Variants in MPHOSPH6 observed in about 807,000 individuals in gnomAD.
MPHOSPH6 encodes M-phase phosphoprotein 6.
A neutral mutation model predicts 21.8 loss-of-function variants in MPHOSPH6; 25 were observed. The ratio of observed to expected loss-of-function variants is 1.15; its 90% confidence interval spans 0.83 to 1.60. The LOEUF (loss-of-function observed/expected upper bound fraction) is 1.60. Among genes scored for constraint, MPHOSPH6 ranks in the 40% most tolerant of loss-of-function variants. MPHOSPH6 has a pLI of 0.00. For missense variants in MPHOSPH6, 269 were observed against 181.8 expected (o/e 1.48, Z -2.76); for synonymous variants, 84 against 56.5 (o/e 1.49, Z -2.18).
At position 82,149,408 on chromosome 16, in the gene MPHOSPH6, A is replaced by G. The variant is rs764357819; in HGVS notation, c.256-5T>C. On this transcript the variant is annotated splice_region_variant and splice_polypyrimidine_tract_variant and intron_variant, in intron 3 of 4. Coordinates refer to ENST00000258169, the MANE Select transcript of MPHOSPH6 (RefSeq NM_005792.2). ...ATTCATCTGAAGCATCAATTTCTGA[A>G]AAATACACCAGTGCTGACCTTCAGG... is the stretch of plus-strand genomic sequence containing the variant. The G allele has an allele frequency of 1.2e-6, 2 of 1,610,606 alleles. No individual in the cohort carries two copies. The highest frequency in any genetic ancestry group is 2.2e-5 in the South Asian group (2 of 91,072).
chr16:82,148,642 A>C lies in MPHOSPH6; in HGVS notation c.*89T>G. On this transcript the variant is annotated 3_prime_UTR_variant, in exon 5 of 5. Coordinates refer to ENST00000258169, the MANE Select transcript of MPHOSPH6 (RefSeq NM_005792.2). The stretch of plus-strand genomic sequence containing the variant: ...CTTTACAAGTAAACGTTACAGTATT[A>C]ATAACTATAGAGACACCATTGGGAT... 6.9e-7 allele frequency: 1 copy of C among 1,447,198 alleles called. No individual in the cohort carries two copies. The highest frequency in any genetic ancestry group is 2.3e-5 in the East Asian group (1 of 43,830). The allele number at this position is 1,447,198 out of a possible 1,614,324, so 89.6% of individuals were successfully genotyped here.
chr16:82,162,948 A>G (rs1482633804), intron 2 of MPHOSPH6, among the ~76,000 whole-genome samples: 1 of 135,954 alleles, frequency 7.4e-6, no homozygotes, highest in Non-Finnish European at 1.5e-5. Context: ...TTAAGGCATA[A>G]AAGTAAATTA....
In MPHOSPH6 at chr16:82,151,443, C is replaced by G; in HGVS notation, c.236G>C (p.Gly79Ala). The G allele has an allele frequency of 1.2e-6, 2 of 1,606,220 alleles. No individual in the cohort carries two copies. The highest frequency in any genetic ancestry group is 1.3e-5 in the African/African-American group (1 of 74,618). ...TAATACCTCAACCTCAGGATTAAAT[C>G]CTCTGAATGACATTCTTCCATAGAG... ...DLLYGRMSFR[G>A]FNPEVEKLML... Residue 79 changes from glycine (G) to alanine (A), a missense_variant, in exon 3 of 5, where the codon GGA becomes GCA. Transcript: ENST00000258169.
intron 2 of MPHOSPH6, among the ~76,000 whole-genome samples, chr16:82,162,922 A>T (rs991299017): frequency 6.6e-6 from 1 of 152,038 alleles, no homozygotes; most frequent in African/African-American, 2.4e-5. Flanking sequence ...TGGAAGGAAC[A>T]CTTTGGCAAG....
At position 82,148,810 on chromosome 16, in the gene MPHOSPH6, T is replaced by C. The variant is rs750501738; in HGVS notation, c.404A>G (p.His135Arg). 2.5e-6 allele frequency: 4 copies of C among 1,614,062 alleles called. No individual in the cohort carries two copies. In the South Asian group the frequency reaches 4.4e-5, roughly 18 times the overall value. Reference sequence around the variant, plus strand: ...ATTTTCATCTTCTTCATAATTGGCATGGTCTCTCTTTCTGGCAAACTTTTT... The same window carrying C: ...ATTTTCATCTTCTTCATAATTGGCACGGTCTCTCTTTCTGGCAAACTTTTT... Reference protein sequence around the residue: ...IGKKFARKRDHANYEEDENGD... With the variant: ...IGKKFARKRDRANYEEDENGD... The change falls in exon 5 of 5, where the codon CAT becomes CGT. Residue 135 changes from histidine to arginine, a missense_variant. By Grantham distance (29) the His-to-Arg change is conservative (BLOSUM62 0). Coordinates refer to ENST00000258169, the MANE Select transcript of MPHOSPH6 (RefSeq NM_005792.2).
chr16:82,168,773 A>G (rs1346173208), intron 1 of MPHOSPH6, among the ~76,000 whole-genome samples: 1 of 152,216 alleles, frequency 6.6e-6, no homozygotes. Context: ...CGAATGGCCT[A>G]TCTTTCAAAA....
chr16:82,163,439 G>C (rs1292687223), intron 2 of MPHOSPH6, among the ~76,000 whole-genome samples: 1 of 152,200 alleles, frequency 6.6e-6, no homozygotes, highest in Non-Finnish European at 1.5e-5. Context: ...GCCAGAAACT[G>C]TCTACCCCAG....
chr16:82,164,341 G>C (rs1956792711), intron 1 of MPHOSPH6, 147 bp from the exon 2 acceptor site: 1 of 619,350 alleles, frequency 1.6e-6, no homozygotes, highest in South Asian at 2.0e-5. Context: ...TGATCAAACG[G>C]TTTAGCTCTA....
rs1200686105 is a variant in MPHOSPH6 at position 82,151,503 on chromosome 16, A to G, written c.176T>C (p.Ile59Thr). 1.4e-5 allele frequency: 22 copies of G among 1,587,830 alleles called. No homozygotes were observed. The highest frequency in any genetic ancestry group is 1.9e-5 in the Non-Finnish European group (22 of 1,169,426). Residue 59 changes from isoleucine (I) to threonine (T), a missense_variant, in exon 3 of 5, where the codon ATA becomes ACA. Physicochemically the swap from Ile to Thr is moderately conservative, Grantham distance 89. Transcript: ENST00000258169. The part of the protein sequence containing the change: ...PELKEKESFI[I>T]EEQSFLLCED... ...ACATAGTAAGAAACTCTGCTCTTCT[A>G]TTATGAAACTCCTAAATGGGAAAAT...
chr16:82,162,120 T>C (rs1049281836), intron 2 of MPHOSPH6: 1 of 152,200 alleles, frequency 6.6e-6, no homozygotes, highest in Non-Finnish European at 1.5e-5. Flanking sequence ...CTGTTTTACA[T>C]ATATTACCTC....
chr16:82,162,361 G>A (rs1021254983), intron 2 of MPHOSPH6: 4 of 152,188 alleles, frequency 2.6e-5, no homozygotes, highest in African/African-American at 9.7e-5. Flanking sequence ...CGTATACCAA[G>A]GACATGTCAT....
chr16:82,159,471 C>T (rs1567614144), intron 2 of MPHOSPH6, among the ~76,000 whole-genome samples: 2 of 152,050 alleles, frequency 1.3e-5, no homozygotes, highest in African/African-American at 2.4e-5. Flanking sequence ...GTAGCGCAAT[C>T]TCGGCTCAAT....
intron 1 of MPHOSPH6, among the ~76,000 whole-genome samples, chr16:82,169,229 G>A (rs922082505): frequency 6.6e-6 from 1 of 152,152 alleles, no homozygotes; most frequent in East Asian, 1.9e-4. Context: ...TGTGACCATT[G>A]CCTACTCTGC....
At chr16:82,151,384 ATTGGAAAAATT>A in intron 3 of MPHOSPH6, 29 bp downstream of exon 3, 2 of 1,598,976 alleles carry the variant, frequency 1.3e-6, no homozygotes, top group Admixed American at 3.6e-5. Context: ...AAAAAATTCA[ATTGGAAAAATT>A]TTTAATTTGA....
chr16:82,150,235 T>C (rs1280655263), intron 3 of MPHOSPH6, among the ~76,000 whole-genome samples: 1 of 152,074 alleles, frequency 6.6e-6, no homozygotes, highest in Non-Finnish European at 1.5e-5. Flanking sequence ...GTGGCACCTC[T>C]CCTTTCCCAT....
intron 2 of MPHOSPH6, among the ~76,000 whole-genome samples, chr16:82,161,157 G>A (rs1906594807): frequency 6.6e-6 from 1 of 152,208 alleles, no homozygotes; most frequent in Non-Finnish European, 1.5e-5. Flanking sequence ...GAAGGCTCCT[G>A]TGTCACCTAA....
chr16:82,169,319 T>G (rs1018814880), intron 1 of MPHOSPH6, among the ~76,000 whole-genome samples: 1 of 152,240 alleles, frequency 6.6e-6, no homozygotes, highest in Admixed American at 6.5e-5. Context: ...TTTCTTTTTC[T>G]TTCTTGCCTC....
Position 82,167,844 on chromosome 16 carries a change from T to C in MPHOSPH6, c.51+2281A>G, listed in dbSNP as rs149526469. ...TGCTCACTTCCTGCTGTGCAGCCTG[T>C]TCCTTACAGGTCATGGACTGGTGCT... On this transcript the variant is annotated intron_variant, in intron 1 of 4. Transcript: ENST00000258169. 3.9e-3 allele frequency among the ~76,000 whole-genome samples: 598 copies of C among 152,316 alleles called. 3 individuals are homozygous for C. Among genetic ancestry groups the C allele is most frequent in the African/African-American group, 0.014 (580 of 41,564 alleles).
chr16:82,158,655 T>C (rs1906510308), intron 2 of MPHOSPH6, among the ~76,000 whole-genome samples: 1 of 152,134 alleles, frequency 6.6e-6, no homozygotes, highest in South Asian at 2.1e-4. Context: ...GACATTTTCT[T>C]GAAAATAAAT....
Sources: gnomAD v4.1 joint callset for allele counts (sites outside exome capture counted in the v4.1 genomes callset) on GRCh38, gnomAD v4.1.1 for gene constraint, MANE v1.5 for transcripts, NCBI Gene and HGNC (gene_info 2026-07-23, HGNC 2026-07-21) for gene names.